Variants in PGBD5 observed in about 807,000 individuals in gnomAD.
The protein encoded by PGBD5 is piggyBac transposable element-derived protein 5.
PGBD5 carries 14 observed loss-of-function variants against 47.9 expected under a neutral mutation model. The observed-to-expected ratio is 0.29, with a 90% CI of 0.19 to 0.46. The LOEUF is 0.46. Ranked by LOEUF, PGBD5 falls within the 20% of genes least tolerant of loss-of-function variation. PGBD5 has a pLI of 1.00. For synonymous variants in PGBD5, 316 were observed against 306.3 expected (o/e 1.03, Z -0.33); for missense variants, 635 against 716.0 (o/e 0.89, Z 1.29).
intron 5 of PGBD5, among the ~76,000 whole-genome samples, chr1:230,331,720 C>A (rs1233823867): frequency 2.6e-5 from 4 of 151,454 alleles, no homozygotes; most frequent in Non-Finnish European, 4.4e-5. Flanking sequence ...GTCTTGAACT[C>A]CTTGGCTCAA....
Position 230,337,254 on chromosome 1 carries a change from T to C in PGBD5, c.929A>G (p.Asp310Gly), listed in dbSNP as rs373916266. ...YVHLKEGGGP[D>G]GLDALKNKPQ... ...CTTATTCTTCAGCGCATCCAGGCCA[T>C]CTGGGCCCCCACCTTCCTTCAGGTG... The change falls in exon 4 of 7, where the codon GAT becomes GGT. Residue 310 changes from aspartate (D) to glycine (G), a missense_variant. Coordinates refer to ENST00000391860, the MANE Select transcript of PGBD5 (RefSeq NM_001258311.2). 1.1e-5 allele frequency: 17 copies of C among 1,613,516 alleles called. No individual in the cohort carries two copies. In the African/African-American group the frequency reaches 1.7e-4, roughly 16 times the overall value.
At chr1:230,372,060 A>G (rs1037690668) in intron 1 of PGBD5, among the ~76,000 whole-genome samples, 1 of 152,214 alleles carries the variant, frequency 6.6e-6, no homozygotes, top group Non-Finnish European at 1.5e-5. Context: ...GTTCCAATAC[A>G]GTGCAAGTGA....
intron 1 of PGBD5, among the ~76,000 whole-genome samples, chr1:230,422,916 G>T (rs183981575): frequency 6.6e-6 from 1 of 151,810 alleles, no homozygotes; most frequent in African/African-American, 2.4e-5. Context: ...GGGGGTGGGG[G>T]GATGTGGCAA....
chr1:230,409,786 TA>T (rs1657375828), intron 1 of PGBD5, among the ~76,000 whole-genome samples: 1 of 151,602 alleles, frequency 6.6e-6, no homozygotes, highest in Admixed American at 6.6e-5. Flanking sequence ...AATTATTTTA[TA>T]ATAAAGCTGT....
chr1:230,368,538 G>C (rs565750693), intron 1 of PGBD5, among the ~76,000 whole-genome samples: 1 of 152,376 alleles, frequency 6.6e-6, no homozygotes, highest in African/African-American at 2.4e-5. Context: ...CGCCTCTTGC[G>C]GAGTGAGTGA....
At chr1:230,351,325 G>A (rs1320474046) in intron 2 of PGBD5, among the ~76,000 whole-genome samples, 4 of 152,066 alleles carry the variant, frequency 2.6e-5, no homozygotes, top group Admixed American at 6.5e-5. Flanking sequence ...AAATAGCACC[G>A]GCCCTGATAC....
intron 1 of PGBD5, among the ~76,000 whole-genome samples, chr1:230,362,656 C>T (rs1427986736): frequency 2.0e-5 from 3 of 152,162 alleles, no homozygotes; most frequent in Non-Finnish European, 2.9e-5. Flanking sequence ...GCCCGTCTCC[C>T]GACCCCAGCT....
chr1:230,371,824 C>T (rs1407707170), intron 1 of PGBD5, among the ~76,000 whole-genome samples: 1 of 152,198 alleles, frequency 6.6e-6, no homozygotes, highest in Non-Finnish European at 1.5e-5. Context: ...AGTGACAGAG[C>T]CTGGGTTTGA....
Position 230,350,992 on chromosome 1 carries a change from A to G in PGBD5, c.860T>C (p.Val287Ala). ...GAAGCCAGTGGAAGAACATTGTCTG[A>G]CCCAGAGGCTGAATTTCCGCTTTTT... ...KRKKRKFSLW[V>A]RQCSSTGFII... Residue 287 changes from valine (V) to alanine (A), a missense_variant, in exon 3 of 7, where the codon GTC becomes GCC. Val to Ala is a moderately conservative substitution (Grantham distance 64, BLOSUM62 0). Coordinates refer to ENST00000391860, the MANE Select transcript of PGBD5 (RefSeq NM_001258311.2). 1.2e-6 allele frequency: 2 copies of G among 1,614,024 alleles called. No individual in the cohort carries two copies. The highest frequency in any genetic ancestry group is 1.7e-6 in the Non-Finnish European group (2 of 1,179,964).
rs1175519426 is a variant in PGBD5 at position 230,357,002 on chromosome 1, G to A, written c.651C>T (p.Val217=). Residue 217 remains valine, a synonymous_variant, in exon 2 of 7, where the codon GTC becomes GTT. Coordinates refer to ENST00000391860, the MANE Select transcript of PGBD5 (RefSeq NM_001258311.2). This position sits in a 1 kb window ranked among gnomAD's most constrained non-coding sequence, Gnocchi z 5.7. ...RFEKILKYFH[V]VAFRSSQTTH... ...TGGTCTGGCTGGAGCGGAAGGCCAC[G>A]ACGTGGAAGTACTTGAGGATCTTCT... 9 of 1,614,192 alleles carry A rather than the reference G, an allele frequency of 5.6e-6. No individual in the cohort carries two copies. The highest frequency in any genetic ancestry group is 7.6e-6 in the Non-Finnish European group (9 of 1,180,032).
chr1:230,347,033 A>G (rs1405752884), intron 3 of PGBD5, among the ~76,000 whole-genome samples: 2 of 152,232 alleles, frequency 1.3e-5, no homozygotes, highest in Non-Finnish European at 2.9e-5. Context: ...TTACCAATAA[A>G]TAAATAAATA....
chr1:230,356,959 C>T lies in PGBD5; in HGVS notation c.694G>A (p.Val232Ile). The T allele has an allele frequency of 1.2e-6, 2 of 1,614,148 alleles. No individual in the cohort carries two copies. The highest frequency in any genetic ancestry group is 1.7e-6 in the Non-Finnish European group (2 of 1,180,040). ...TGCAGGGAGTCGAGGAAGGGCTGGACCTTGTAGAGCCCGTGCGTGGTCTGG... is the reference window on the plus strand; with the variant it reads ...TGCAGGGAGTCGAGGAAGGGCTGGATCTTGTAGAGCCCGTGCGTGGTCTGG... ...SSQTTHGLYKVQPFLDSLQNS... is the reference protein window; with the variant it reads ...SSQTTHGLYKIQPFLDSLQNS... Residue 232 changes from valine to isoleucine, a missense_variant, in exon 2 of 7, where the codon GTC (valine) becomes ATC (isoleucine). Physicochemically the swap from Val to Ile is conservative, Grantham distance 29. Transcript: ENST00000391860.
intron 1 of PGBD5, among the ~76,000 whole-genome samples, chr1:230,423,501 C>T (rs1229975073): frequency 6.6e-6 from 1 of 152,206 alleles, no homozygotes; most frequent in Non-Finnish European, 1.5e-5. Context: ...TTAATAAACA[C>T]ATCCATCTCC....
At chr1:230,362,401 G>A in intron 1 of PGBD5, 2 of 1,353,336 alleles carry the variant, frequency 1.5e-6, no homozygotes, top group Non-Finnish European at 2.0e-6. Context: ...AGTTGTGGAG[G>A]CTTGCCGGGG....
At chr1:230,339,036 A>T (rs1358003207) in intron 3 of PGBD5, among the ~76,000 whole-genome samples, 1 of 152,216 alleles carries the variant, frequency 6.6e-6, no homozygotes, top group Non-Finnish European at 1.5e-5. Context: ...GTTTGAGCGA[A>T]TAACGGGGAA....
chr1:230,410,662 A>C (rs6701574), intron 1 of PGBD5, among the ~76,000 whole-genome samples: 1 of 151,890 alleles, frequency 6.6e-6, no homozygotes, highest in African/African-American at 2.4e-5. Flanking sequence ...TTTATAGAAC[A>C]CTCCAGAAGA....
chr1:230,425,853 G>A lies in PGBD5; in HGVS notation c.76C>T (p.Leu26=). The A allele has an allele frequency of 8.3e-7, 1 of 1,199,098 alleles. No individual in the cohort carries two copies. The highest frequency in any genetic ancestry group is 1.0e-6 in the Non-Finnish European group (1 of 967,378). 74.3% of individuals were successfully genotyped at this position (1,199,098 alleles called of 1,614,324 possible). A position where few individuals can be genotyped will look rare whatever the true frequency, so the allele number is the denominator to read the frequency against. Residue 26 remains leucine, a synonymous_variant, in exon 1 of 7, where the codon CTG becomes TTG. Transcript: ENST00000391860. This position sits in a 1 kb window ranked among gnomAD's most constrained non-coding sequence, Gnocchi z 4.7. ...LEAARARYES[L]HISDDVFGES... ...CCGAACACGTCGTCCGAGATGTGCA[G>A]GCTCTCGTAGCGCGCGCGGGCAGCC...
At chr1:230,401,664 T>G (rs1258076979) in intron 1 of PGBD5, among the ~76,000 whole-genome samples, 1 of 152,164 alleles carries the variant, frequency 6.6e-6, no homozygotes, top group African/African-American at 2.4e-5. Flanking sequence ...ATTTTACCCT[T>G]CATAATCTAG....
intron 1 of PGBD5, among the ~76,000 whole-genome samples, chr1:230,368,352 T>C (rs1186842982): frequency 6.6e-6 from 1 of 152,262 alleles, no homozygotes; most frequent in Non-Finnish European, 1.5e-5. Flanking sequence ...CCAAGGAGTC[T>C]GACTGCTAAA....
Sources: gnomAD v4.1 joint callset for allele counts (sites outside exome capture counted in the v4.1 genomes callset) on GRCh38, gnomAD v4.1.1 for gene constraint, Gnocchi (gnomAD v3.1) non-coding constraint, MANE v1.5 for transcripts, NCBI Gene and HGNC (gene_info 2026-07-23, HGNC 2026-07-21) for gene names.